Variants in HAO1 observed in about 807,000 individuals in gnomAD.
HAO1 encodes 2-Hydroxyacid oxidase 1.
HAO1 carries 34 observed loss-of-function variants against 39.7 expected under a neutral mutation model. That is an observed-to-expected ratio of 0.86 (90% CI 0.65 to 1.14). HAO1 has a LOEUF of 1.14. HAO1 is among the 50% of genes most tolerant of loss of function. The pLI, the probability that HAO1 is intolerant of heterozygous loss-of-function variation, is 0.00. For synonymous variants in HAO1, 172 were observed against 173.2 expected, an observed-to-expected ratio of 0.99 and a Z score of 0.05; for missense variants, 479 against 464.5, an observed-to-expected ratio of 1.03 and a Z score of -0.29.
intron 2 of HAO1, among the ~76,000 whole-genome samples, chr20:7,917,224 C>T (rs565940032): frequency 2.6e-5 from 4 of 151,728 alleles, no homozygotes; most frequent in African/African-American, 7.3e-5. Context: ...CCTGTAATCC[C>T]AGCTACTCAG....
chr20:7,895,935 A>G (rs1473792502), intron 4 of HAO1, among the ~76,000 whole-genome samples: 1 of 152,066 alleles, frequency 6.6e-6, no homozygotes, highest in African/African-American at 2.4e-5. Flanking sequence ...CCTCAGGCCT[A>G]TTGGCAGGTG....
chr20:7,901,511 C>CT (rs1207850254), intron 4 of HAO1, among the ~76,000 whole-genome samples: 1 of 152,202 alleles, frequency 6.6e-6, no homozygotes, highest in Non-Finnish European at 1.5e-5. Flanking sequence ...GTTAAGCCCA[C>CT]TGTCGAGACC....
At chr20:7,923,822 C>T (rs2050345994) in intron 2 of HAO1, among the ~76,000 whole-genome samples, 1 of 152,140 alleles carries the variant, frequency 6.6e-6, no homozygotes, top group South Asian at 2.1e-4. Flanking sequence ...GCTGATGTTC[C>T]AAGGACCATA....
intron 2 of HAO1, among the ~76,000 whole-genome samples, chr20:7,924,223 G>GTTGTTGTTGT (rs141089245): frequency 2.0e-5 from 3 of 149,846 alleles, no homozygotes; most frequent in African/African-American, 4.9e-5. Context: ...TGTTGTTGTT[G>GTTGTTGTTGT]TTGTTTGTTT....
At chr20:7,900,261 T>G (rs1456307362) in intron 4 of HAO1, among the ~76,000 whole-genome samples, 3 of 152,148 alleles carry the variant, frequency 2.0e-5, no homozygotes, top group Non-Finnish European at 4.4e-5. Context: ...CACCTTGATC[T>G]GTTAGCAGCC....
chr20:7,896,270 A>T (rs1001247872), intron 4 of HAO1, among the ~76,000 whole-genome samples: 2 of 152,168 alleles, frequency 1.3e-5, no homozygotes, highest in Admixed American at 1.3e-4. Context: ...CATGAAAACA[A>T]CACTGGTTCT....
At chr20:7,932,213 G>A (rs778082541) in intron 2 of HAO1, among the ~76,000 whole-genome samples, 1 of 152,072 alleles carries the variant, frequency 6.6e-6, no homozygotes, top group South Asian at 2.1e-4. Flanking sequence ...GTTTCCTGAG[G>A]CCTCCCCAGC....
chr20:7,894,385 G>T (rs1171741378), intron 5 of HAO1, among the ~76,000 whole-genome samples: 1 of 152,042 alleles, frequency 6.6e-6, no homozygotes, highest in Non-Finnish European at 1.5e-5. Flanking sequence ...ACTCTGATTT[G>T]CCTACTCCAG....
Position 7,891,328 on chromosome 20 carries a change from C to T in HAO1, c.813+3805G>A, listed in dbSNP as rs545768770. 1.1e-4 allele frequency among the ~76,000 whole-genome samples: 16 copies of T among 152,146 alleles called. No homozygotes were observed. In the East Asian group the frequency reaches 3.1e-3, roughly 29 times the overall value. ...GAGCATTTTTTCATATGTTTGTTGGCCATTTGTATATCTTCTTTTGAGAAT... is the reference window on the plus strand; with the variant it reads ...GAGCATTTTTTCATATGTTTGTTGGTCATTTGTATATCTTCTTTTGAGAAT... On this transcript the variant is annotated intron_variant, in intron 5 of 7. Transcript: ENST00000378789.
chr20:7,891,818 G>C (rs766235837), intron 5 of HAO1, among the ~76,000 whole-genome samples: 3 of 152,148 alleles, frequency 2.0e-5, no homozygotes, highest in Non-Finnish European at 4.4e-5. Context: ...AGTTAGATTT[G>C]ATTTCAGTAG....
intron 5 of HAO1, among the ~76,000 whole-genome samples, chr20:7,894,461 C>T (rs1246998163): frequency 6.6e-6 from 1 of 152,124 alleles, no homozygotes; most frequent in East Asian, 1.9e-4. Context: ...AGTGCCTATA[C>T]ACCCCTAAGC....
intron 3 of HAO1, among the ~76,000 whole-genome samples, chr20:7,907,638 A>C (rs1377777939): frequency 6.6e-6 from 1 of 152,144 alleles, no homozygotes; most frequent in South Asian, 2.1e-4. Flanking sequence ...TTCCCGTATG[A>C]CTATTTTTGT....
intron 1 of HAO1, 148 bp from the exon 2 acceptor site, chr20:7,934,783 G>T (rs1320661621): frequency 3.8e-6 from 2 of 532,608 alleles, no homozygotes; most frequent in Non-Finnish European, 6.5e-6. Context: ...TGGAAAAGAG[G>T]CAATTTTACT....
intron 5 of HAO1, among the ~76,000 whole-genome samples, chr20:7,888,799 C>T (rs1174537427): frequency 6.6e-6 from 1 of 152,176 alleles, no homozygotes; most frequent in African/African-American, 2.4e-5. Flanking sequence ...TTATGATTTG[C>T]TTTCATCAGT....
At chr20:7,920,750 C>T (rs112310887) in intron 2 of HAO1, among the ~76,000 whole-genome samples, 2 of 152,088 alleles carry the variant, frequency 1.3e-5, no homozygotes, top group African/African-American at 4.8e-5. Flanking sequence ...TGTACATACA[C>T]CTCATTCTTT....
intron 1 of HAO1, 117 bp downstream of exon 1, chr20:7,940,169 A>G (rs1026769793): frequency 3.7e-6 from 3 of 815,106 alleles, no homozygotes; most frequent in Non-Finnish European, 5.4e-6. Flanking sequence ...TTCCCTCTCT[A>G]CTAAGCACAA....
intron 2 of HAO1, among the ~76,000 whole-genome samples, chr20:7,925,791 A>G (rs1310444084): frequency 6.6e-6 from 1 of 152,148 alleles, no homozygotes; most frequent in Non-Finnish European, 1.5e-5. Flanking sequence ...TCATGCTCTC[A>G]AGAAAGCCAC....
rs760918760 is a variant in HAO1, at chr20:7,906,198, C to T, written c.677G>A (p.Arg226Lys). The T allele has an allele frequency of 6.2e-7, 1 of 1,613,510 alleles. No homozygotes were observed. Among genetic ancestry groups the T allele is most frequent in the Non-Finnish European group, 8.5e-7 (1 of 1,179,462 alleles). Residue 226 changes from arginine to lysine, a missense_variant, in exon 4 of 8, where the codon AGA becomes AAA. Coordinates refer to ENST00000378789, the MANE Select transcript of HAO1 (RefSeq NM_017545.3). Reference sequence around the variant, plus strand: ...AACAATTGGCAATGATGTCAGTCTTCTCAGCCATTTGATATCTTCCCAGCT... The same window carrying T: ...AACAATTGGCAATGATGTCAGTCTTTTCAGCCATTTGATATCTTCCCAGCT... ...SISWEDIKWL[R>K]RLTSLPIVAK... is the part of the protein sequence containing the mutation.
intron 3 of HAO1, among the ~76,000 whole-genome samples, chr20:7,911,357 T>A (rs2050278676): frequency 6.6e-6 from 1 of 152,210 alleles, no homozygotes; most frequent in African/African-American, 2.4e-5. Flanking sequence ...TTTACCTTGA[T>A]CTTAGTCAAT....
Sources: allele counts gnomAD v4.1 joint callset (sites outside exome capture counted in the v4.1 genomes callset), GRCh38; gene constraint gnomAD v4.1.1; transcripts MANE v1.5; gene names NCBI Gene and HGNC (gene_info 2026-07-23, HGNC 2026-07-21).